The following TXNDC16 variants were observed in gnomAD, a reference collection of about 807,000 sequenced individuals.
The protein encoded by TXNDC16 is thioredoxin domain containing 16.
Under a neutral mutation model 85.6 loss-of-function variants are expected in TXNDC16, and 74 were observed. The ratio of observed to expected loss-of-function variants is 0.86; its 90% CI spans 0.72 to 1.05. TXNDC16 has a LOEUF of 1.05. TXNDC16 is among the 50% of genes least tolerant of loss of function. TXNDC16 has a pLI of 0.00. For missense variants in TXNDC16, 959 were observed against 947.0 expected (o/e 1.01, Z -0.17); for synonymous variants, 335 against 326.5 (o/e 1.03, Z -0.28).
chr14:52,522,051 T>C (rs763073246), intron 6 of TXNDC16, among the ~76,000 whole-genome samples: 2 of 152,192 alleles, frequency 1.3e-5, no homozygotes, highest in Non-Finnish European at 2.9e-5. Flanking sequence ...GCCTATACAT[T>C]TTGGCTAACA....
chr14:52,499,464 C>T (rs2036605705), intron 9 of TXNDC16, among the ~76,000 whole-genome samples: 1 of 151,846 alleles, frequency 6.6e-6, no homozygotes, highest in Non-Finnish European at 1.5e-5. Flanking sequence ...TTTAAATGGA[C>T]AAAAGACTTG....
chr14:52,451,716 T>A (rs892603462), intron 18 of TXNDC16, among the ~76,000 whole-genome samples: 5 of 152,132 alleles, frequency 3.3e-5, no homozygotes, highest in Admixed American at 2.0e-4. Flanking sequence ...AAGCCATATA[T>A]GCCATAGCCA....
intron 9 of TXNDC16, among the ~76,000 whole-genome samples, chr14:52,502,632 C>G (rs559323821): frequency 6.6e-6 from 1 of 152,328 alleles, no homozygotes; most frequent in East Asian, 1.9e-4. Context: ...CTCCAGTCTA[C>G]AGCTCCCAGA....
intron 9 of TXNDC16, among the ~76,000 whole-genome samples, chr14:52,499,408 T>C (rs2036604724): frequency 6.6e-6 from 1 of 151,934 alleles, no homozygotes; most frequent in Non-Finnish European, 1.5e-5. Flanking sequence ...ATACAGAACA[T>C]ACAGAGAACC....
intron 9 of TXNDC16, among the ~76,000 whole-genome samples, chr14:52,509,908 G>C (rs2036914776): frequency 6.6e-6 from 1 of 151,848 alleles, no homozygotes; most frequent in African/African-American, 2.4e-5. Context: ...GTGAACCCAG[G>C]AGGAGGAGCT....
chr14:52,477,221 T>C (rs1479391272), intron 14 of TXNDC16, among the ~76,000 whole-genome samples: 1 of 152,150 alleles, frequency 6.6e-6, no homozygotes, highest in African/African-American at 2.4e-5. Flanking sequence ...AAAAAGAACC[T>C]CTTTAAAGCA....
chr14:52,466,537 A>T (rs750658389), intron 16 of TXNDC16, among the ~76,000 whole-genome samples: 1 of 151,946 alleles, frequency 6.6e-6, no homozygotes, highest in Admixed American at 6.6e-5. Context: ...CCTGGAGAAA[A>T]TACAAGCAAA....
At chr14:52,442,567 C>T (rs2035191731) in intron 18 of TXNDC16, among the ~76,000 whole-genome samples, 1 of 152,176 alleles carries the variant, frequency 6.6e-6, no homozygotes. Flanking sequence ...TGCCCATTCT[C>T]ATTTTTCTTC....
intron 12 of TXNDC16, 55 bp downstream of exon 12, chr14:52,488,308 T>C: frequency 6.3e-7 from 1 of 1,586,034 alleles, no homozygotes; most frequent in African/African-American, 1.4e-5. Flanking sequence ...GAAATTTCAC[T>C]GACTTTATGG....
In TXNDC16 at chr14:52,476,107, G is replaced by A. The variant is rs77106402; in HGVS notation, c.1313-5427C>T. Among the ~76,000 whole-genome samples, 98 of 152,294 alleles carry A rather than the reference G, an allele frequency of 6.4e-4. 1 individual carries two copies. In the East Asian group the frequency reaches 0.018, roughly 27 times the overall value. ...ATCACTACAGCTCGGCTCTCAGGAA[G>A]CCACATCCCTAGGAAAAGGGAAAGA... On this transcript the variant is annotated intron_variant, in intron 14 of 20. Transcript: ENST00000281741.
chr14:52,499,403 G>A (rs1169245438), intron 9 of TXNDC16, among the ~76,000 whole-genome samples: 1 of 151,956 alleles, frequency 6.6e-6, no homozygotes, highest in Non-Finnish European at 1.5e-5. Context: ...TTAACATACA[G>A]AACATACAGA....
intron 4 of TXNDC16, among the ~76,000 whole-genome samples, chr14:52,541,501 A>C (rs1215341480): frequency 2.0e-5 from 3 of 152,172 alleles, no homozygotes; most frequent in Non-Finnish European, 4.4e-5. Context: ...AAGTTAATTG[A>C]GATCTCTATA....
chr14:52,449,900 GA>G (rs1420910657), intron 18 of TXNDC16, among the ~76,000 whole-genome samples: 2 of 151,386 alleles, frequency 1.3e-5, no homozygotes, highest in Non-Finnish European at 3.0e-5. Flanking sequence ...AAATTTCTTG[GA>G]AAAAAACCAT....
chr14:52,538,763 TTC>T (rs1346215251), intron 4 of TXNDC16, among the ~76,000 whole-genome samples: 1 of 152,162 alleles, frequency 6.6e-6, no homozygotes, highest in Admixed American at 6.5e-5. Flanking sequence ...AGGCTTTTGT[TTC>T]TCTTAAGAGG....
In TXNDC16 at chr14:52,467,827, C is replaced by T. The variant is rs79923810; in HGVS notation, c.1618+2210G>A. 4.8e-3 allele frequency among the ~76,000 whole-genome samples: 735 copies of T among 152,112 alleles called. 14 individuals carry two copies. The highest frequency in any genetic ancestry group is 0.039 in the Admixed American group (597 of 15,272). On this transcript the variant is annotated intron_variant, in intron 16 of 20. Transcript: ENST00000281741. ...TTCACAACCGCGTTATTCACAACAG[C>T]CAAGAGGTAGAAGTAACCCAAAAAT...
In TXNDC16 at chr14:52,439,478, T is replaced by C. The variant is rs2140101050; in HGVS notation, c.2004-84A>G. 3.3e-6 allele frequency: 4 copies of C among 1,225,138 alleles called. No individual in the cohort carries two copies. In the African/African-American group the frequency reaches 4.6e-5, roughly 14 times the overall value. 75.9% of individuals were successfully genotyped at this position (1,225,138 alleles called of 1,614,324 possible). On this transcript the variant is annotated intron_variant, in intron 19 of 20. Coordinates refer to ENST00000281741, the MANE Select transcript of TXNDC16 (RefSeq NM_020784.3). Reference sequence around the variant, plus strand: ...TAGTAATTCGTAGAACATTAAACTTTTAAGTAGTATCATGCCAGTAAGTTC... The same window carrying C: ...TAGTAATTCGTAGAACATTAAACTTCTAAGTAGTATCATGCCAGTAAGTTC...
rs142779847 is a variant in TXNDC16 at position 52,509,022 on chromosome 14, T to C, written c.756+2218A>G. Among the ~76,000 whole-genome samples the C allele has an allele frequency of 8.0e-3, 1,225 of 152,196 alleles. 13 individuals are homozygous for C. Among genetic ancestry groups the C allele is most frequent in the African/African-American group, 0.027 (1,129 of 41,472 alleles). On this transcript the variant is annotated intron_variant, in intron 9 of 20. Coordinates refer to ENST00000281741, the MANE Select transcript of TXNDC16 (RefSeq NM_020784.3). ...TATATATATGTAACAAACCTGCACG[T>C]TGTGCACATGTACCCTAAAACTTAA...
At chr14:52,470,491 A>G in intron 15 of TXNDC16, 21 bp downstream of exon 15, 1 of 1,601,972 alleles carries the variant, frequency 6.2e-7, no homozygotes, top group African/African-American at 1.3e-5. Flanking sequence ...CAGAGATCTT[A>G]TAATGAAGCT....
chr14:52,465,968 T>A (rs2140126850), intron 16 of TXNDC16, among the ~76,000 whole-genome samples: 1 of 152,272 alleles, frequency 6.6e-6, no homozygotes, highest in Non-Finnish European at 1.5e-5. Flanking sequence ...ATATAAAATG[T>A]TAATGGTAGA....
Sources: gnomAD v4.1 joint callset for allele counts (sites outside exome capture counted in the v4.1 genomes callset) on GRCh38, gnomAD v4.1.1 for gene constraint, MANE v1.5 for transcripts, NCBI Gene and HGNC (gene_info 2026-07-23, HGNC 2026-07-21) for gene names.